Variants in CNTNAP2 observed in about 807,000 individuals in gnomAD.
The protein encoded by CNTNAP2 is contactin-associated protein-like 2.
In CNTNAP2, 98 loss-of-function variants were observed where a neutral mutation model predicts 155.2. The ratio of observed to expected loss-of-function variants is 0.63; its 90% CI spans 0.54 to 0.75. CNTNAP2 has a LOEUF of 0.75. Ranked by LOEUF, CNTNAP2 falls within the 30% of genes least tolerant of loss-of-function variation. The pLI is 0.00. For missense variants in CNTNAP2, 1,727 were observed against 1,688.1 expected (o/e 1.02, Z -0.40); for synonymous variants, 651 against 631.2 (o/e 1.03, Z -0.47).
chr7:148,034,284 A>G (rs572093293), intron 15 of CNTNAP2, among the ~76,000 whole-genome samples: 21 of 152,322 alleles, frequency 1.4e-4, no homozygotes, highest in African/African-American at 4.8e-4. Flanking sequence ...TTACGTCCTC[A>G]TTATCAGGGC....
intron 1 of CNTNAP2, among the ~76,000 whole-genome samples, chr7:146,235,298 T>G (rs926228942): frequency 4.0e-5 from 6 of 151,884 alleles, no homozygotes; most frequent in African/African-American, 1.5e-4. Flanking sequence ...CTGAGGTCCT[T>G]TATTTTCTGC....
intron 8 of CNTNAP2, among the ~76,000 whole-genome samples, chr7:147,249,553 G>A (rs1253085107): frequency 8.5e-6 from 1 of 118,290 alleles, no homozygotes; most frequent in Admixed American, 1.0e-4. Flanking sequence ...CATTAGGAAA[G>A]TCCTTTGAAT....
Position 146,910,880 on chromosome 7 carries a change from G to C in CNTNAP2, c.402+70976G>C, listed in dbSNP as rs1406075265. Among the ~76,000 whole-genome samples, 20 of 150,788 alleles carry C rather than the reference G, an allele frequency of 1.3e-4. No individual in the cohort carries two copies. The East Asian group carries it at 1.4e-3, about 10-fold the overall frequency. ...AGAGTGAACAGGCAACCTACAAAAT[G>C]GGAGAAAATTTTCGCAACCTACTCA... On this transcript the variant is annotated intron_variant, in intron 3 of 23. Coordinates refer to ENST00000361727, the MANE Select transcript of CNTNAP2 (RefSeq NM_014141.6).
Position 147,665,189 on chromosome 7 carries a change from T to C in CNTNAP2, c.2098+25883T>C, listed in dbSNP as rs148775884. Among the ~76,000 whole-genome samples, 1,018 of 152,300 alleles carry C rather than the reference T, an allele frequency of 6.7e-3. 9 individuals carry two copies. Among genetic ancestry groups the C allele is most frequent in the African/African-American group, 0.023 (967 of 41,544 alleles). On this transcript the variant is annotated intron_variant, in intron 13 of 23. Transcript: ENST00000361727. ...TGACTTCTGAAACTATAGGTGTATT[T>C]TCCTGTTTATGAAGTTTAACTCTTA...
intron 1 of CNTNAP2, among the ~76,000 whole-genome samples, chr7:146,448,357 C>T (rs1194173040): frequency 6.6e-6 from 1 of 151,932 alleles, no homozygotes; most frequent in Non-Finnish European, 1.5e-5. Flanking sequence ...TTCCCCTATA[C>T]TCTGTAATTT....
chr7:146,851,391 GT>G (rs1269226680), intron 3 of CNTNAP2, among the ~76,000 whole-genome samples: 1 of 152,106 alleles, frequency 6.6e-6, no homozygotes, highest in African/African-American at 2.4e-5. Flanking sequence ...TGGTGTTGCT[GT>G]TTTCAATTTT....
At position 146,855,657 on chromosome 7, in the gene CNTNAP2, A is replaced by C. The variant is rs187904600; in HGVS notation, c.402+15753A>C. On this transcript the variant is annotated intron_variant, in intron 3 of 23. Coordinates refer to ENST00000361727, the MANE Select transcript of CNTNAP2 (RefSeq NM_014141.6). ...ATATATGGTTGAAGCATTTCTGAAC[A>C]TATTTAAATGTACTGTAAATTGAGC... Among the ~76,000 whole-genome samples, 536 of 151,898 alleles carry C rather than the reference A, an allele frequency of 3.5e-3. 1 individual carries two copies. Among genetic ancestry groups the C allele is most frequent in the African/African-American group, 0.012 (495 of 41,494 alleles).
intron 4 of CNTNAP2, among the ~76,000 whole-genome samples, chr7:147,068,126 A>T (rs1205358147): frequency 6.6e-6 from 1 of 152,076 alleles, no homozygotes; most frequent in African/African-American, 2.4e-5. Flanking sequence ...ACAAATCTCA[A>T]ATCTCTGTAT....
At chr7:147,773,411 C>T (rs200000076) in intron 13 of CNTNAP2, among the ~76,000 whole-genome samples, 22 of 152,024 alleles carry the variant, frequency 1.4e-4, no homozygotes, top group Non-Finnish European at 2.9e-4. Context: ...CCAAGGCGGT[C>T]GATCACCTGA....
intron 21 of CNTNAP2, among the ~76,000 whole-genome samples, chr7:148,357,019 G>T (rs574077249): frequency 1.3e-5 from 2 of 152,204 alleles, no homozygotes; most frequent in African/African-American, 4.8e-5. Flanking sequence ...GACCTTTCCA[G>T]CTTTATCCAA....
At chr7:147,759,842 C>T (rs1481560755) in intron 13 of CNTNAP2, among the ~76,000 whole-genome samples, 1 of 152,130 alleles carries the variant, frequency 6.6e-6, no homozygotes, top group African/African-American at 2.4e-5. Flanking sequence ...TATCCCACAA[C>T]CCCAGGAGTT....
chr7:147,535,072 A>G (rs1221749472), intron 11 of CNTNAP2, among the ~76,000 whole-genome samples: 2 of 152,116 alleles, frequency 1.3e-5, no homozygotes, highest in African/African-American at 4.8e-5. Flanking sequence ...AAATATTGAA[A>G]TACAGCTTGA....
chr7:146,166,135 C>T (rs150088360), intron 1 of CNTNAP2, among the ~76,000 whole-genome samples: 5 of 152,168 alleles, frequency 3.3e-5, no homozygotes, highest in African/African-American at 1.2e-4. Flanking sequence ...CTCTTGTTGC[C>T]CAGGCTGGAG....
At chr7:146,823,315 A>G (rs186194379) in intron 2 of CNTNAP2, among the ~76,000 whole-genome samples, 242 of 146,876 alleles carry the variant, frequency 1.6e-3, no homozygotes, top group African/African-American at 5.6e-3. Context: ...TTACATGTAA[A>G]TATACTCATT....
At chr7:147,067,374 C>A (rs898865123) in intron 4 of CNTNAP2, among the ~76,000 whole-genome samples, 1 of 151,750 alleles carries the variant, frequency 6.6e-6, no homozygotes, top group Non-Finnish European at 1.5e-5. Flanking sequence ...AAAGGCCCCA[C>A]CTCCAAATGC....
At chr7:147,283,976 G>A (rs1013997332) in intron 8 of CNTNAP2, among the ~76,000 whole-genome samples, 27 of 151,434 alleles carry the variant, frequency 1.8e-4, no homozygotes, top group African/African-American at 6.3e-4. Flanking sequence ...TTCAAGTGAC[G>A]AGTCCTACAT....
chr7:146,545,698 T>A (rs1322145611), intron 1 of CNTNAP2, among the ~76,000 whole-genome samples: 1 of 151,908 alleles, frequency 6.6e-6, no homozygotes, highest in Non-Finnish European at 1.5e-5. Context: ...CTGGAAAGGA[T>A]GTGGAGAAAT....
intron 3 of CNTNAP2, among the ~76,000 whole-genome samples, chr7:146,892,615 A>T (rs1409142758): frequency 6.6e-6 from 1 of 152,208 alleles, no homozygotes; most frequent in Non-Finnish European, 1.5e-5. Flanking sequence ...ACAGGAAGCC[A>T]AGAATTATAT....
At position 148,349,070 on chromosome 7, in the gene CNTNAP2, C is replaced by A. The variant is rs139136894; in HGVS notation, c.3476-34579C>A. 3.0e-3 allele frequency among the ~76,000 whole-genome samples: 452 copies of A among 152,168 alleles called. 4 individuals are homozygous for A. The highest frequency in any genetic ancestry group is 8.3e-3 in the African/African-American group (346 of 41,512). ...GCCAGGGAAGAAAGATTCGAAGCCC[C>A]TGCTTTTATGGAGCTGACTTGCTGG... On this transcript the variant is annotated intron_variant, in intron 21 of 23. Coordinates refer to ENST00000361727, the MANE Select transcript of CNTNAP2 (RefSeq NM_014141.6).
Sources: gnomAD v4.1 joint callset for allele counts (sites outside exome capture counted in the v4.1 genomes callset) on GRCh38, gnomAD v4.1.1 for gene constraint, MANE v1.5 for transcripts, NCBI Gene and HGNC (gene_info 2026-07-23, HGNC 2026-07-21) for gene names.